Variants in MAP3K13 observed in about 807,000 individuals in gnomAD.
MAP3K13 encodes the protein leucine zipper-bearing kinase.
A neutral mutation model predicts 104.0 loss-of-function variants in MAP3K13; 52 were observed. That is an observed-to-expected ratio of 0.50 (90% CI 0.40 to 0.63). MAP3K13 has a LOEUF of 0.63. Ranked by LOEUF, MAP3K13 falls within the 20% of genes least tolerant of loss-of-function variation. The pLI, the probability that MAP3K13 is intolerant of heterozygous loss-of-function variation, is 0.00. For synonymous variants in MAP3K13, 394 were observed against 442.2 expected, an observed-to-expected ratio of 0.89 and a Z score of 1.37; for missense variants, 914 against 1,218.5, an observed-to-expected ratio of 0.75 and a Z score of 3.72.
rs60301796 is a variant in MAP3K13, at chr3:185,452,550, T to C, written c.1278+1155T>C. On this transcript the variant is annotated intron_variant, in intron 7 of 13. Coordinates refer to ENST00000265026, the MANE Select transcript of MAP3K13 (RefSeq NM_004721.5). The stretch of plus-strand genomic sequence containing the variant: ...TTGCCTGGCCCCATCCCAAAACTTA[T>C]GGCTTAGAACAGTAAGCATTTATGT... Among the ~76,000 whole-genome samples, 144 of 152,314 alleles carry C rather than the reference T, an allele frequency of 9.5e-4. 2 individuals carry two copies. In the East Asian group the frequency reaches 0.024, roughly 25 times the overall value.
In MAP3K13 at chr3:185,471,451, C is replaced by CTTT. The variant is rs71164510; in HGVS notation, c.1644-1501_1644-1499dup. On this transcript the variant is annotated intron_variant, in intron 10 of 13. Coordinates refer to ENST00000265026, the MANE Select transcript of MAP3K13 (RefSeq NM_004721.5). Reference sequence around the variant, plus strand: ...TGAGCCTGTACCTGGACGACCTTTACTTTTTTTTTTTTTTTTTTTTTTTTT... The same window carrying CTTT: ...TGAGCCTGTACCTGGACGACCTTTACTTTTTTTTTTTTTTTTTTTTTTTTTTTT... Among the ~76,000 whole-genome samples, 301 of 75,420 alleles carry CTTT rather than the reference C, an allele frequency of 4.0e-3. 9 individuals carry two copies. The highest frequency in any genetic ancestry group is 6.1e-3 in the African/African-American group (95 of 15,702). 49.5% of individuals were successfully genotyped at this position (75,420 alleles called of 152,430 possible).
chr3:185,384,502 A>G (rs937396309), intron 1 of MAP3K13, among the ~76,000 whole-genome samples: 20 of 152,188 alleles, frequency 1.3e-4, no homozygotes, highest in Non-Finnish European at 2.2e-4. Flanking sequence ...TTGCTGGATC[A>G]TATGGTAGTT....
intron 1 of MAP3K13, among the ~76,000 whole-genome samples, chr3:185,386,039 C>A (rs1560077925): frequency 2.0e-5 from 3 of 151,644 alleles, no homozygotes; most frequent in African/African-American, 7.3e-5. Context: ...TACACATGAT[C>A]AAGTGGAACT....
chr3:185,457,826 C>A (rs1716855045), intron 7 of MAP3K13, among the ~76,000 whole-genome samples: 1 of 152,106 alleles, frequency 6.6e-6, no homozygotes, highest in Admixed American at 6.5e-5. Context: ...AGTGAGACTA[C>A]CTCTAGCTAA....
chr3:185,375,010 C>T (rs1724357381), intron 1 of MAP3K13, among the ~76,000 whole-genome samples: 1 of 152,104 alleles, frequency 6.6e-6, no homozygotes, highest in South Asian at 2.1e-4. Flanking sequence ...ATCTTCTATC[C>T]ACTTAGAGAC....
chr3:185,361,189 T>C (rs183326664), upstream of MAP3K13, among the ~76,000 whole-genome samples: 71 of 150,898 alleles, frequency 4.7e-4, no homozygotes, highest in Non-Finnish European at 7.8e-4. Context: ...TATATATATA[T>C]ATACACACAC....
At chr3:185,466,796 T>C (rs747740933) in intron 9 of MAP3K13, 30 bp from the exon 10 acceptor site, 9 of 1,613,592 alleles carry the variant, frequency 5.6e-6, no homozygotes, top group Non-Finnish European at 7.6e-6. Flanking sequence ...CTGCAATGAC[T>C]GAGGTGTGGC....
At position 185,482,163 on chromosome 3, in the gene MAP3K13, C is replaced by T. The variant is rs1306755813; in HGVS notation, c.2800-192C>T. 6.6e-6 allele frequency among the ~76,000 whole-genome samples: 1 copy of T among 152,230 alleles called. No individual in the cohort carries two copies. Among genetic ancestry groups the T allele is most frequent in the Non-Finnish European group, 1.5e-5 (1 of 68,038 alleles). On this transcript the variant is annotated intron_variant, in intron 13 of 13. Coordinates refer to ENST00000265026, the MANE Select transcript of MAP3K13 (RefSeq NM_004721.5). The surrounding 1 kb of genome is among the most constrained non-coding windows in gnomAD (Gnocchi z 4.5). ...TATATAAGTGGTTGTGTGGTGGGCA[C>T]TGTTTTTATTGTCGTAGCAATCATA...
chr3:185,324,648 T>A (rs777391732), intron 2 of MAP3K13, among the ~76,000 whole-genome samples: 6 of 152,178 alleles, frequency 3.9e-5, no homozygotes, highest in Non-Finnish European at 7.3e-5. Flanking sequence ...CCCCTACTTT[T>A]CTCCTCCACT....
At position 185,482,625 on chromosome 3, in the gene MAP3K13, A is replaced by C; in HGVS notation, c.*169A>C. Reference sequence around the variant, plus strand: ...AATAACAGGAACATGAGACTTCGCAAATCTCTGGAAAATAATATCCAAATG... The same window carrying C: ...AATAACAGGAACATGAGACTTCGCACATCTCTGGAAAATAATATCCAAATG... On this transcript the variant is annotated 3_prime_UTR_variant, in exon 14 of 14. Transcript: ENST00000265026. The surrounding 1 kb of genome is among the most constrained non-coding windows in gnomAD (Gnocchi z 4.5). 1.9e-6 allele frequency: 1 copy of C among 532,952 alleles called. No homozygotes were observed. The highest frequency in any genetic ancestry group is 3.3e-6 in the Non-Finnish European group (1 of 300,518). 33.0% of individuals were successfully genotyped at this position (532,952 alleles called of 1,614,324 possible).
At chr3:185,324,619 T>TGCTTTCTTTTCTAATGTTCCCCTAC (rs1721984449) in intron 2 of MAP3K13, among the ~76,000 whole-genome samples, 1 of 152,166 alleles carries the variant, frequency 6.6e-6, no homozygotes, top group Non-Finnish European at 1.5e-5. Flanking sequence ...CCTTCCGCCA[T>TGCTTTCTTTTCTAATGTTCCCCTAC]GCTTTCTTTT....
Position 185,473,586 on chromosome 3 carries a change from G to A in MAP3K13, c.2255G>A (p.Gly752Glu). The A allele has an allele frequency of 6.2e-7, 1 of 1,614,156 alleles. No homozygotes were observed. Residue 752 changes from glycine to glutamate, a missense_variant, in exon 11 of 14, where the codon GGG becomes GAG. Gly to Glu is a moderately conservative substitution (Grantham distance 98). Around this residue, in one of 3 missense-constraint regions of MAP3K13, gnomAD observed 583 missense variants for 737.4 expected, o/e 0.79. Coordinates refer to ENST00000265026, the MANE Select transcript of MAP3K13 (RefSeq NM_004721.5). The surrounding 1 kb of genome is among the most constrained non-coding windows in gnomAD (Gnocchi z 4.9). ...SLDIPSAEPV[G>E]RSPDLSKSPA... The stretch of plus-strand genomic sequence containing the variant: ...GACATACCCTCTGCTGAGCCAGTGG[G>A]GAGGAGCCCTGACCTTTCCAAGTCA...
At chr3:185,458,033 G>A (rs543911572) in intron 7 of MAP3K13, among the ~76,000 whole-genome samples, 2 of 152,188 alleles carry the variant, frequency 1.3e-5, no homozygotes, top group East Asian at 3.9e-4. Context: ...AGATAAAACT[G>A]CAAATGCATT....
intron 2 of MAP3K13, among the ~76,000 whole-genome samples, chr3:185,431,975 T>C (rs1714764359): frequency 6.6e-6 from 1 of 152,096 alleles, no homozygotes; most frequent in Non-Finnish European, 1.5e-5. Context: ...CTCTCTTTCA[T>C]ACATACTCCG....
At chr3:185,386,354 C>G (rs1210180321) in intron 1 of MAP3K13, among the ~76,000 whole-genome samples, 1 of 152,048 alleles carries the variant, frequency 6.6e-6, no homozygotes, top group Non-Finnish European at 1.5e-5. Context: ...CAAATCAAAA[C>G]CATGATGAAA....
intron 1 of MAP3K13, among the ~76,000 whole-genome samples, chr3:185,377,231 G>C (rs960848145): frequency 1.3e-5 from 2 of 152,236 alleles, no homozygotes; most frequent in African/African-American, 4.8e-5. Flanking sequence ...AGGCCATGCT[G>C]TAACAGGCGA....
At chr3:185,352,443 TAAAAAAGAAAA>T (rs1361089480) in intron 2 of MAP3K13, among the ~76,000 whole-genome samples, 2 of 149,160 alleles carry the variant, frequency 1.3e-5, no homozygotes, top group East Asian at 2.0e-4. Context: ...AAACTCTGTC[TAAAAAAGAAAA>T]AAAAAAGAAA....
Position 185,421,423 on chromosome 3 carries a change from C to T in MAP3K13, c.-85-7074C>T, listed in dbSNP as rs547063823. On this transcript the variant is annotated intron_variant, in intron 1 of 13. Coordinates refer to ENST00000265026, the MANE Select transcript of MAP3K13 (RefSeq NM_004721.5). ...ATGTTGAGCAGGCTGATCTCGAACT[C>T]CTGACCTCAGGTGATCTGCCTGCCT... Among the ~76,000 whole-genome samples the T allele has an allele frequency of 1.2e-3, 182 of 152,246 alleles. 1 individual carries two copies. Among genetic ancestry groups the T allele is most frequent in the African/African-American group, 3.9e-3 (163 of 41,552 alleles).
chr3:185,456,638 C>T (rs1224815061), intron 7 of MAP3K13, among the ~76,000 whole-genome samples: 1 of 113,126 alleles, frequency 8.8e-6, no homozygotes, highest in Non-Finnish European at 1.7e-5. Context: ...CTTGCTCTGT[C>T]TTACCCAGGC....
Sources: gnomAD v4.1 joint callset for allele counts (sites outside exome capture counted in the v4.1 genomes callset) on GRCh38, gnomAD v4.1.1 for gene constraint, gnomAD v4.1.1 regional missense constraint, Gnocchi (gnomAD v3.1) non-coding constraint, MANE v1.5 for transcripts, NCBI Gene and HGNC (gene_info 2026-07-23, HGNC 2026-07-21) for gene names.